Variants in ITPR1 observed in about 807,000 individuals in gnomAD.
ITPR1 encodes the protein inositol 1,4,5-trisphosphate receptor type 1, also known as inositol 1,4,5-trisphosphate-gated calcium channel ITPR1.
A neutral mutation model predicts 318.4 loss-of-function variants in ITPR1; 96 were observed. The ratio of observed to expected loss-of-function variants is 0.30; its 90% confidence interval spans 0.26 to 0.36. The LOEUF is 0.36. Ranked by LOEUF, ITPR1 falls within the 10% of genes least tolerant of loss-of-function variation. ITPR1 has a pLI of 1.00. For missense variants in ITPR1, 2,440 were observed against 3,460.2 expected (o/e 0.71, Z 7.40); for synonymous variants, 1,312 against 1,289.9 (o/e 1.02, Z -0.37).
At chr3:4,695,250 C>T (rs1055882333) in intron 33 of ITPR1, among the ~76,000 whole-genome samples, 1 of 152,116 alleles carries the variant, frequency 6.6e-6, no homozygotes, top group South Asian at 2.1e-4. Flanking sequence ...CTTTTGGGTT[C>T]TCATATATCT....
At chr3:4,692,021 G>A (rs1014949093) in intron 32 of ITPR1, among the ~76,000 whole-genome samples, 2 of 152,020 alleles carry the variant, frequency 1.3e-5, no homozygotes, top group Non-Finnish European at 2.9e-5. Flanking sequence ...GGGTGTAGTG[G>A]CATGTGCCCA....
At chr3:4,630,646 C>A (rs183613285) in intron 5 of ITPR1, among the ~76,000 whole-genome samples, 5 of 150,982 alleles carry the variant, frequency 3.3e-5, no homozygotes, top group African/African-American at 9.7e-5. Context: ...AGTGCAGTGG[C>A]GCCATCTCGG....
chr3:4,502,599 C>A (rs1211969739), intron 2 of ITPR1, among the ~76,000 whole-genome samples: 3 of 151,896 alleles, frequency 2.0e-5, no homozygotes, highest in Non-Finnish European at 2.9e-5. Flanking sequence ...TGCCACCATG[C>A]CTAGCTAATT....
intron 58 of ITPR1, 118 bp from the exon 59 acceptor site, chr3:4,814,935 G>T (rs946946975): frequency 1.2e-6 from 1 of 851,132 alleles, no homozygotes; most frequent in East Asian, 2.4e-5. Context: ...TTTAAAAGTT[G>T]AATGCCCAAT....
intron 53 of ITPR1, 26 bp downstream of exon 53, chr3:4,795,213 T>G (rs772337806): frequency 4.4e-6 from 7 of 1,607,908 alleles, no homozygotes; most frequent in Non-Finnish European, 5.1e-6. Context: ...ACTTCAAAAA[T>G]CCTATTAGAA....
chr3:4,836,970 T>C, intron 61 of ITPR1, 35 bp downstream of exon 61: 1 of 1,519,278 alleles, frequency 6.6e-7, no homozygotes, highest in South Asian at 1.3e-5. Flanking sequence ...TACCCTCCCA[T>C]CACTATCCCC....
intron 44 of ITPR1, among the ~76,000 whole-genome samples, chr3:4,751,966 T>TCA (rs1404130293): frequency 6.6e-6 from 1 of 152,196 alleles, no homozygotes; most frequent in African/African-American, 2.4e-5. Flanking sequence ...TCACATTTCC[T>TCA]GAGGTCCTCT....
At chr3:4,594,133 G>C (rs1336784557) in intron 4 of ITPR1, among the ~76,000 whole-genome samples, 1 of 152,162 alleles carries the variant, frequency 6.6e-6, no homozygotes, top group Non-Finnish European at 1.5e-5. Flanking sequence ...AAGTGAGAGA[G>C]AGAAGTTGAA....
At chr3:4,565,629 G>C (rs1428646754) in intron 4 of ITPR1, among the ~76,000 whole-genome samples, 1 of 152,182 alleles carries the variant, frequency 6.6e-6, no homozygotes, top group East Asian at 1.9e-4. Flanking sequence ...TGTTCCCACA[G>C]AGAGCAGGCT....
chr3:4,614,223 G>T (rs1404272744), intron 4 of ITPR1, among the ~76,000 whole-genome samples: 2 of 152,184 alleles, frequency 1.3e-5, no homozygotes, highest in African/African-American at 4.8e-5. Flanking sequence ...CCTTGATCAC[G>T]CCACTGTGCT....
chr3:4,776,456 AGCC>A (rs2046493033), intron 47 of ITPR1, among the ~76,000 whole-genome samples: 1 of 152,206 alleles, frequency 6.6e-6, no homozygotes, highest in African/African-American at 2.4e-5. Flanking sequence ...TAAACCCAGC[AGCC>A]AGGGAAGGTT....
chr3:4,585,557 C>T (rs913413117), intron 4 of ITPR1, among the ~76,000 whole-genome samples: 3 of 152,146 alleles, frequency 2.0e-5, no homozygotes, highest in Non-Finnish European at 4.4e-5. Flanking sequence ...CTGTCTCAGC[C>T]TCCCAAGTAG....
chr3:4,790,850 T>A (rs2165624), intron 52 of ITPR1, among the ~76,000 whole-genome samples: 144,056 of 152,304 alleles, frequency 0.95, 68,301 homozygotes, highest in East Asian at 1. Context: ...CTTTATTTAC[T>A]CTAGAACACA....
At chr3:4,606,758 GGAAA>G (rs1319258563) in intron 4 of ITPR1, among the ~76,000 whole-genome samples, 1 of 152,140 alleles carries the variant, frequency 6.6e-6, no homozygotes, top group Non-Finnish European at 1.5e-5. Context: ...AGGAATAGGA[GGAAA>G]GGCTCTTGCA....
At chr3:4,626,951 T>C (rs2092847518) in intron 4 of ITPR1, among the ~76,000 whole-genome samples, 1 of 152,156 alleles carries the variant, frequency 6.6e-6, no homozygotes, top group Non-Finnish European at 1.5e-5. Flanking sequence ...CTGGAGTAGC[T>C]GGGATTACAG....
chr3:4,730,370 AATGTGTGT>A (rs1282441583), intron 42 of ITPR1, among the ~76,000 whole-genome samples: 43 of 91,580 alleles, frequency 4.7e-4, no homozygotes, highest in South Asian at 1.4e-3. Context: ...TGTTGGGTGG[AATGTGTGT>A]GTGTGTGTGT....
chr3:4,747,102 A>T (rs2044164139), intron 44 of ITPR1, among the ~76,000 whole-genome samples: 1 of 152,214 alleles, frequency 6.6e-6, no homozygotes, highest in Non-Finnish European at 1.5e-5. Context: ...ATCTGAGCCC[A>T]TGGGAAATAC....
At chr3:4,783,621 C>G (rs2046977462) in intron 50 of ITPR1, among the ~76,000 whole-genome samples, 195 bp from the exon 51 acceptor site, 1 of 152,264 alleles carries the variant, frequency 6.6e-6, no homozygotes, top group Non-Finnish European at 1.5e-5. Flanking sequence ...GCTTTCCATG[C>G]TTTTCTACCA....
At position 4,680,543 on chromosome 3, in the gene ITPR1, G is replaced by T; in HGVS notation, c.2968-10G>T. 6.2e-7 allele frequency: 1 copy of T among 1,612,306 alleles called. No homozygotes were observed. Among genetic ancestry groups the T allele is most frequent in the Non-Finnish European group, 8.5e-7 (1 of 1,178,630 alleles). On this transcript the variant is annotated splice_polypyrimidine_tract_variant and intron_variant, in intron 24 of 61. Transcript: ENST00000649015. ...AACCAATCTGTTTCCATTTCCACTT[G>T]AATCTTTAGTTTATTTTGAATGTGA...
Sources: allele counts gnomAD v4.1 joint callset (sites outside exome capture counted in the v4.1 genomes callset), GRCh38; gene constraint gnomAD v4.1.1; transcripts MANE v1.5; gene names NCBI Gene and HGNC (gene_info 2026-07-23, HGNC 2026-07-21).